The following EPHA6 variants were observed in gnomAD, a reference collection of about 807,000 sequenced individuals.
The protein encoded by EPHA6 is ephrin type-A receptor 6.
A neutral mutation model predicts 112.0 loss-of-function variants in EPHA6; 50 were observed. That is an observed-to-expected ratio of 0.45 (90% CI 0.36 to 0.56). The LOEUF (loss-of-function observed/expected upper bound fraction) is 0.56, where lower values mean the gene tolerates loss of function less well. Ranked by LOEUF, EPHA6 falls within the 20% of genes least tolerant of loss-of-function variation. The pLI, the probability that EPHA6 is intolerant of heterozygous loss-of-function variation, is 0.00. For synonymous variants in EPHA6, 529 were observed against 490.7 expected (o/e 1.08, Z -1.03); for missense variants, 1,280 against 1,417.4 (o/e 0.90, Z 1.56).
intron 3 of EPHA6, among the ~76,000 whole-genome samples, chr3:97,172,368 A>G (rs552952239): frequency 1.3e-5 from 2 of 152,118 alleles, no homozygotes; most frequent in South Asian, 4.1e-4. Flanking sequence ...AATGAGTGAG[A>G]AGGCCAGCTG....
At chr3:96,942,707 T>TGTTGA (rs2041037791) in intron 2 of EPHA6, among the ~76,000 whole-genome samples, 1 of 152,252 alleles carries the variant, frequency 6.6e-6, no homozygotes, top group African/African-American at 2.4e-5. Flanking sequence ...TCTGCTTTGC[T>TGTTGA]CATGCTGGGA....
At chr3:96,929,861 C>A (rs1373822055) in intron 2 of EPHA6, among the ~76,000 whole-genome samples, 1 of 152,120 alleles carries the variant, frequency 6.6e-6, no homozygotes, top group Non-Finnish European at 1.5e-5. Flanking sequence ...TCAGGTACCC[C>A]AAGCAGTCAT....
intron 6 of EPHA6, among the ~76,000 whole-genome samples, chr3:97,417,634 G>C (rs2088238167): frequency 6.6e-6 from 1 of 152,128 alleles, no homozygotes; most frequent in Non-Finnish European, 1.5e-5. Context: ...TCTGAGCTTG[G>C]AGGGGAAAGA....
chr3:97,578,975 A>C (rs2093413080), intron 11 of EPHA6, among the ~76,000 whole-genome samples: 2 of 152,180 alleles, frequency 1.3e-5, no homozygotes, highest in Admixed American at 6.5e-5. Context: ...CCATTAACCT[A>C]AAAATTAATC....
At chr3:97,071,656 CAT>C (rs2046361707) in intron 3 of EPHA6, among the ~76,000 whole-genome samples, 1 of 152,054 alleles carries the variant, frequency 6.6e-6, no homozygotes, top group Non-Finnish European at 1.5e-5. Context: ...CCTCCCACAA[CAT>C]GTGAGAATTC....
At chr3:97,573,304 A>G (rs929716422) in intron 11 of EPHA6, among the ~76,000 whole-genome samples, 4 of 152,190 alleles carry the variant, frequency 2.6e-5, no homozygotes, top group African/African-American at 9.6e-5. Context: ...AAGGAACCCA[A>G]AAAAATAAAT....
chr3:97,085,863 C>A (rs1414760024), intron 3 of EPHA6, among the ~76,000 whole-genome samples: 1 of 149,792 alleles, frequency 6.7e-6, no homozygotes, highest in Non-Finnish European at 1.5e-5. Context: ...ATAAGAAGTT[C>A]TCTCGTAGAA....
At chr3:97,257,032 G>T (rs989693724) in intron 5 of EPHA6, among the ~76,000 whole-genome samples, 1 of 151,848 alleles carries the variant, frequency 6.6e-6, no homozygotes, top group African/African-American at 2.4e-5. Context: ...CACACAAAGA[G>T]ATTTAATATA....
intron 10 of EPHA6, among the ~76,000 whole-genome samples, chr3:97,529,046 A>G (rs968510456): frequency 1.3e-5 from 2 of 152,142 alleles, no homozygotes; most frequent in Admixed American, 6.6e-5. Flanking sequence ...TCATCTGTTC[A>G]TATCCAGTTC....
intron 10 of EPHA6, among the ~76,000 whole-genome samples, chr3:97,497,653 A>G (rs559073204): frequency 3.1e-4 from 47 of 152,310 alleles, no homozygotes; most frequent in African/African-American, 1.1e-3. Context: ...TAATTAATGG[A>G]TATAGAATTT....
At chr3:97,423,407 C>G (rs902872505) in intron 6 of EPHA6, among the ~76,000 whole-genome samples, 1 of 152,016 alleles carries the variant, frequency 6.6e-6, no homozygotes, top group Admixed American at 6.6e-5. Context: ...TTACAAATGC[C>G]ACTAAAAGAA....
intron 13 of EPHA6, among the ~76,000 whole-genome samples, chr3:97,612,749 G>T (rs1027359777): frequency 7.9e-5 from 12 of 151,990 alleles, no homozygotes; most frequent in Admixed American, 5.9e-4. Flanking sequence ...ATGTGACCTT[G>T]GGCATGGTAT....
intron 3 of EPHA6, among the ~76,000 whole-genome samples, chr3:96,992,905 C>G (rs928288999): frequency 7.9e-5 from 12 of 152,132 alleles, no homozygotes; most frequent in Admixed American, 5.2e-4. Context: ...TTATCACTCT[C>G]CTCTGTGCTA....
At chr3:96,986,805 G>A (rs1245806105) in intron 2 of EPHA6, among the ~76,000 whole-genome samples, 1 of 152,138 alleles carries the variant, frequency 6.6e-6, no homozygotes, top group Non-Finnish European at 1.5e-5. Context: ...CCTTATCCAT[G>A]TCTGTTTGCT....
chr3:96,992,045 G>A (rs759516991), intron 3 of EPHA6, among the ~76,000 whole-genome samples: 1 of 152,036 alleles, frequency 6.6e-6, no homozygotes, highest in African/African-American at 2.4e-5. Context: ...GTATCTTGCC[G>A]CTGCACTCTT....
intron 3 of EPHA6, among the ~76,000 whole-genome samples, chr3:97,140,260 A>C (rs1576557891): frequency 6.6e-6 from 1 of 152,270 alleles, no homozygotes; most frequent in East Asian, 1.9e-4. Flanking sequence ...GGTTTGGAAA[A>C]GTATTTGAGG....
At chr3:97,385,913 C>A (rs547245518) in intron 5 of EPHA6, among the ~76,000 whole-genome samples, 1 of 152,284 alleles carries the variant, frequency 6.6e-6, no homozygotes, top group South Asian at 2.1e-4. Flanking sequence ...AGTCTGCCCT[C>A]ATGATCCAAT....
intron 5 of EPHA6, among the ~76,000 whole-genome samples, chr3:97,302,445 T>C (rs996747219): frequency 6.6e-6 from 1 of 151,610 alleles, no homozygotes; most frequent in South Asian, 2.1e-4. Context: ...ACACAGAGAT[T>C]TTGTTAGGCA....
chr3:97,531,948 A>G (rs2092700341), intron 10 of EPHA6, among the ~76,000 whole-genome samples: 1 of 152,058 alleles, frequency 6.6e-6, no homozygotes, highest in Non-Finnish European at 1.5e-5. Context: ...GACCTAGGGG[A>G]TCGAATTAAC....
Sources: allele counts gnomAD v4.1 joint callset (sites outside exome capture counted in the v4.1 genomes callset), GRCh38; gene constraint gnomAD v4.1.1; transcripts MANE v1.5; gene names NCBI Gene and HGNC (gene_info 2026-07-23, HGNC 2026-07-21).